The following NEGR1 variants were observed in gnomAD, a reference collection of about 807,000 sequenced individuals.
The protein encoded by NEGR1 is neuronal growth regulator 1.
A neutral mutation model predicts 40.9 loss-of-function variants in NEGR1; 10 were observed. The ratio of observed to expected loss-of-function variants is 0.24; its 90% CI spans 0.15 to 0.42. The LOEUF is 0.42. Ranked by LOEUF, NEGR1 falls within the 10% of genes least tolerant of loss-of-function variation. The pLI, the probability that NEGR1 is intolerant of heterozygous loss-of-function variation, is 1.00. For synonymous variants in NEGR1, 185 were observed against 166.8 expected (o/e 1.11, Z -0.84); for missense variants, 352 against 438.9 (o/e 0.80, Z 1.77).
intron 2 of NEGR1, among the ~76,000 whole-genome samples, chr1:71,848,881 G>C (rs1659508022): frequency 6.6e-6 from 1 of 152,096 alleles, no homozygotes; most frequent in African/African-American, 2.4e-5. Flanking sequence ...TGGTTAGTTA[G>C]GAGTTTGAGA....
intron 1 of NEGR1, among the ~76,000 whole-genome samples, chr1:71,980,749 T>C (rs1223248999): frequency 6.6e-6 from 1 of 152,046 alleles, no homozygotes. Flanking sequence ...AAGCTCAAAC[T>C]CTCTAGGTTG....
At chr1:72,273,104 C>T (rs1050351977) in intron 1 of NEGR1, among the ~76,000 whole-genome samples, 1 of 151,906 alleles carries the variant, frequency 6.6e-6, no homozygotes, top group Non-Finnish European at 1.5e-5. Flanking sequence ...TAAATCAAAG[C>T]CATATGACCA....
intron 4 of NEGR1, among the ~76,000 whole-genome samples, chr1:71,664,110 G>T (rs1652160537): frequency 6.6e-6 from 1 of 152,070 alleles, no homozygotes; most frequent in South Asian, 2.1e-4. Context: ...GATTTAATTT[G>T]TATTATCATT....
chr1:72,076,440 G>A (rs983089210), intron 1 of NEGR1, among the ~76,000 whole-genome samples: 31 of 152,070 alleles, frequency 2.0e-4, no homozygotes, highest in African/African-American at 7.2e-4. Context: ...TTGCTTATAA[G>A]CTATCCAATT....
chr1:72,016,006 T>C (rs545946234), intron 1 of NEGR1, among the ~76,000 whole-genome samples: 15 of 152,320 alleles, frequency 9.8e-5, no homozygotes, highest in Admixed American at 4.6e-4. Context: ...TAGTGACTTC[T>C]ATTTTAAGTT....
chr1:71,667,569 G>T (rs989312426), intron 4 of NEGR1, among the ~76,000 whole-genome samples: 1 of 152,280 alleles, frequency 6.6e-6, no homozygotes, highest in South Asian at 2.1e-4. Context: ...GTAGTACAGA[G>T]TTTCTGGGAA....
intron 6 of NEGR1, among the ~76,000 whole-genome samples, chr1:71,549,687 C>G (rs1269010057): frequency 6.6e-6 from 1 of 151,690 alleles, no homozygotes; most frequent in Non-Finnish European, 1.5e-5. Context: ...GCCCCATGCT[C>G]TTAAGCAATG....
At chr1:71,747,272 G>A (rs377153337) in intron 3 of NEGR1, among the ~76,000 whole-genome samples, 8 of 152,052 alleles carry the variant, frequency 5.3e-5, no homozygotes, top group African/African-American at 1.9e-4. Context: ...TACTAGACAG[G>A]ATCAGATATC....
chr1:72,260,103 G>T (rs1289023223), intron 1 of NEGR1, among the ~76,000 whole-genome samples: 1 of 152,056 alleles, frequency 6.6e-6, no homozygotes, highest in African/African-American at 2.4e-5. Flanking sequence ...ACCCTAAGAA[G>T]TATGGAGTCA....
At chr1:72,163,974 A>G (rs1178650169) in intron 1 of NEGR1, among the ~76,000 whole-genome samples, 2 of 152,008 alleles carry the variant, frequency 1.3e-5, no homozygotes, top group Non-Finnish European at 2.9e-5. Context: ...AGAATACAGG[A>G]AGTATAAACT....
At chr1:71,953,973 A>G (rs902040161) in intron 1 of NEGR1, among the ~76,000 whole-genome samples, 1 of 152,064 alleles carries the variant, frequency 6.6e-6, no homozygotes, top group African/African-American at 2.4e-5. Context: ...CTGATCCACA[A>G]TACCTCCCAG....
rs540751512 is a variant in NEGR1, at chr1:72,005,331, A to G, written c.177-70020T>C. On this transcript the variant is annotated intron_variant, in intron 1 of 6. Transcript: ENST00000357731. Reference sequence around the variant, plus strand: ...AAAATAGTTTAACGCCACGCTATATATAAACAAACTCAAGAAGTCAATCAC... The same window carrying G: ...AAAATAGTTTAACGCCACGCTATATGTAAACAAACTCAAGAAGTCAATCAC... 6.6e-5 allele frequency among the ~76,000 whole-genome samples: 10 copies of G among 152,298 alleles called. 1 individual carries two copies. The South Asian group carries it at 2.1e-3, about 32-fold the overall frequency.
At chr1:71,950,886 C>T (rs578183244) in intron 1 of NEGR1, among the ~76,000 whole-genome samples, 74 of 152,054 alleles carry the variant, frequency 4.9e-4, no homozygotes, top group African/African-American at 1.7e-3. Flanking sequence ...ACACTTGCAT[C>T]TTTTCTGTCT....
intron 3 of NEGR1, among the ~76,000 whole-genome samples, chr1:71,773,146 A>C (rs1656387382): frequency 6.6e-6 from 1 of 152,138 alleles, no homozygotes; most frequent in Admixed American, 6.5e-5. Flanking sequence ...TTTTTCTGTA[A>C]ATAAGGGTGA....
chr1:71,988,205 A>G (rs927001960), intron 1 of NEGR1, among the ~76,000 whole-genome samples: 2 of 152,250 alleles, frequency 1.3e-5, no homozygotes, highest in South Asian at 2.1e-4. Flanking sequence ...CTCCCCTCCA[A>G]TCATGCCAAG....
chr1:71,827,968 AT>A (rs1286417536), intron 2 of NEGR1, among the ~76,000 whole-genome samples: 1 of 151,976 alleles, frequency 6.6e-6, no homozygotes, highest in African/African-American at 2.4e-5. Flanking sequence ...TTTCTTATAG[AT>A]TCTGAAAGAA....
chr1:71,452,409 G>T (rs986269988), intron 6 of NEGR1, among the ~76,000 whole-genome samples: 4 of 152,106 alleles, frequency 2.6e-5, no homozygotes, highest in African/African-American at 9.7e-5. Flanking sequence ...CTAAAGTGTT[G>T]AAATTTCTCA....
intron 1 of NEGR1, among the ~76,000 whole-genome samples, chr1:72,190,855 C>CAATATTG (rs1316894605): frequency 1.3e-5 from 2 of 151,556 alleles, no homozygotes; most frequent in East Asian, 3.9e-4. Flanking sequence ...AATTAACTTA[C>CAATATTG]AATATTGACA....
rs182944867 is a variant in NEGR1, at chr1:72,241,918, C to A, written c.176+40401G>T. Among the ~76,000 whole-genome samples the A allele has an allele frequency of 5.2e-3, 796 of 151,736 alleles. 6 individuals carry two copies. The highest frequency in any genetic ancestry group is 0.018 in the African/African-American group (749 of 41,480). On this transcript the variant is annotated intron_variant, in intron 1 of 6. Coordinates refer to ENST00000357731, the MANE Select transcript of NEGR1 (RefSeq NM_173808.3). ...TTCTAAACCTGCAAGATAAGTCTAT[C>A]TAGTGAAAATTACTTAAACGATCTG...
Sources: gnomAD v4.1 joint callset for allele counts (sites outside exome capture counted in the v4.1 genomes callset) on GRCh38, gnomAD v4.1.1 for gene constraint, MANE v1.5 for transcripts, NCBI Gene and HGNC (gene_info 2026-07-23, HGNC 2026-07-21) for gene names.